IQSEC1: variants seen among roughly 807,000 people sequenced by gnomAD.
IQSEC1 encodes the protein IQ motif and SEC7 domain-containing protein 1.
IQSEC1 carries 31 observed loss-of-function variants against 91.0 expected under a neutral mutation model. That is an observed-to-expected ratio of 0.34 (90% confidence interval 0.26 to 0.46). The LOEUF (loss-of-function observed/expected upper bound fraction) is 0.46. IQSEC1 is among the 20% of genes least tolerant of loss of function. IQSEC1 has a pLI of 1.00. For synonymous variants in IQSEC1, 699 were observed against 662.6 expected, an observed-to-expected ratio of 1.05 and a Z score of -0.84; for missense variants, 1,388 against 1,575.6, an observed-to-expected ratio of 0.88 and a Z score of 2.02.
intron 1 of IQSEC1, among the ~76,000 whole-genome samples, chr3:13,277,137 A>AAAAAAAAAAAAAAAAAAAC (rs60347391): frequency 1.7e-5 from 2 of 118,328 alleles, no homozygotes; most frequent in African/African-American, 7.3e-5. Flanking sequence ...AAAAAAAAAA[A>AAAAAAAAAAAAAAAAAAAC]CAGAAAACAA....
At chr3:13,119,247 G>A (rs1287826685) in intron 2 of IQSEC1, among the ~76,000 whole-genome samples, 2 of 152,298 alleles carry the variant, frequency 1.3e-5, no homozygotes, top group South Asian at 2.1e-4. Context: ...ATATGCCCAT[G>A]TGAACACACT....
intron 1 of IQSEC1, among the ~76,000 whole-genome samples, chr3:13,248,476 G>A (rs561049755): frequency 6.6e-6 from 1 of 152,222 alleles, no homozygotes; most frequent in East Asian, 1.9e-4. Flanking sequence ...AGTCTCCCCT[G>A]AGAGAACGTG....
intron 1 of IQSEC1, among the ~76,000 whole-genome samples, chr3:13,240,550 A>T (rs1695004173): frequency 6.6e-6 from 1 of 152,122 alleles, no homozygotes; most frequent in South Asian, 2.1e-4. Context: ...GAGCCTGGCA[A>T]GGGGTGGGCG....
At chr3:13,185,032 G>A (rs867552813) in intron 1 of IQSEC1, among the ~76,000 whole-genome samples, 6 of 152,240 alleles carry the variant, frequency 3.9e-5, no homozygotes, top group Middle Eastern at 3.4e-3. Context: ...AGCAAGAGTC[G>A]GAGACCACAG....
At chr3:12,982,883 T>A (rs1029882981) in intron 1 of IQSEC1, among the ~76,000 whole-genome samples, 1 of 152,212 alleles carries the variant, frequency 6.6e-6, no homozygotes, top group Non-Finnish European at 1.5e-5. Context: ...CGAGGCTGTT[T>A]GAGAAATCAC....
intron 1 of IQSEC1, among the ~76,000 whole-genome samples, chr3:13,275,209 C>T (rs567226568): frequency 5.9e-5 from 9 of 152,298 alleles, no homozygotes; most frequent in African/African-American, 1.7e-4. Flanking sequence ...AGAACGGGCT[C>T]GGTTATTGCT....
chr3:13,105,992 G>A (rs368840477), intron 2 of IQSEC1, among the ~76,000 whole-genome samples: 2 of 152,152 alleles, frequency 1.3e-5, no homozygotes, highest in African/African-American at 2.4e-5. Flanking sequence ...GAGAAAATCC[G>A]GCAGCCCTGG....
At chr3:13,055,280 C>T (rs73813117) in intron 1 of IQSEC1, among the ~76,000 whole-genome samples, 267 of 152,352 alleles carry the variant, frequency 1.8e-3, no homozygotes, top group African/African-American at 6.1e-3. Flanking sequence ...CCCAGGGTAG[C>T]GAGGCGGAAG....
chr3:13,147,600 C>T (rs2124951865), intron 2 of IQSEC1, among the ~76,000 whole-genome samples: 1 of 152,300 alleles, frequency 6.6e-6, no homozygotes, highest in East Asian at 1.9e-4. Context: ...CACATTTTTG[C>T]AATTGTGAAT....
chr3:13,265,899 A>G (rs1695481062), intron 1 of IQSEC1, among the ~76,000 whole-genome samples: 1 of 148,158 alleles, frequency 6.7e-6, no homozygotes, highest in African/African-American at 2.5e-5. Context: ...TTAAAAAAAA[A>G]AAAAGATGCT....
chr3:13,063,393 A>C (rs1022458061), intron 1 of IQSEC1, among the ~76,000 whole-genome samples: 2 of 152,190 alleles, frequency 1.3e-5, no homozygotes, highest in East Asian at 1.9e-4. Flanking sequence ...CATTTGATGG[A>C]ATGTTATTTG....
intron 1 of IQSEC1, among the ~76,000 whole-genome samples, chr3:13,278,447 G>A: frequency 6.6e-6 from 1 of 152,214 alleles, no homozygotes; most frequent in Non-Finnish European, 1.5e-5. Context: ...TCTCCAGCTT[G>A]AGAGGCCAGG....
rs986903709 is a variant in IQSEC1, at chr3:13,073,178, G to C, written c.-164C>G. ...GTGGCGGGCTCCTCCAGGGAGGCTG[G>C]GGCGGGAGCGGGGGGCGGCGCCAGC... On this transcript the variant is annotated 5_prime_UTR_variant, in exon 1 of 14. Transcript: ENST00000613206. 5 of 739,678 alleles carry C rather than the reference G, an allele frequency of 6.8e-6. No homozygotes were observed. The African/African-American group carries it at 8.9e-5, about 13-fold the overall frequency. The allele number at this position is 739,678 out of a possible 1,614,324, so 45.8% of individuals were successfully genotyped here. A position where few individuals can be genotyped will look rare whatever the true frequency, so the allele number is the denominator to read the frequency against.
intron 2 of IQSEC1, among the ~76,000 whole-genome samples, chr3:13,119,685 T>C (rs1313945459): frequency 6.6e-6 from 1 of 152,242 alleles, no homozygotes; most frequent in African/African-American, 2.4e-5. Context: ...CCCAGTGTCG[T>C]CTAAGGCAGC....
intron 1 of IQSEC1, among the ~76,000 whole-genome samples, chr3:13,067,308 G>T (rs971326340): frequency 1.3e-5 from 2 of 152,190 alleles, no homozygotes; most frequent in African/African-American, 4.8e-5. Flanking sequence ...GGGGAAAGCA[G>T]CAGGCTCTAA....
At chr3:13,179,851 G>T (rs1007247117) in intron 1 of IQSEC1, among the ~76,000 whole-genome samples, 1 of 152,220 alleles carries the variant, frequency 6.6e-6, no homozygotes, top group South Asian at 2.1e-4. Context: ...CACTCAGAAC[G>T]GCTGGCTGGC....
rs60443543 is a variant in IQSEC1 at position 12,906,849 on chromosome 3, C to G, written c.2755+1500G>C. Among the ~76,000 whole-genome samples, 498 of 152,298 alleles carry G rather than the reference C, an allele frequency of 3.3e-3. 3 individuals carry two copies. Among genetic ancestry groups the G allele is most frequent in the African/African-American group, 0.011 (469 of 41,560 alleles). On this transcript the variant is annotated intron_variant, in intron 12 of 13. Coordinates refer to ENST00000613206, the MANE Select transcript of IQSEC1 (RefSeq NM_001134382.3). ...AAGGGAGAGGGCAGGGCCTGTCACA[C>G]TGCACAAACTCAAACGGAGGCTCTA...
chr3:13,068,090 C>A, intron 1 of IQSEC1, among the ~76,000 whole-genome samples: 1 of 152,240 alleles, frequency 6.6e-6, no homozygotes, highest in East Asian at 1.9e-4. Flanking sequence ...GTGCTTGGGG[C>A]ACTTGGGAAA....
chr3:12,963,798 T>C (rs1482007608), intron 1 of IQSEC1, among the ~76,000 whole-genome samples: 5 of 152,210 alleles, frequency 3.3e-5, no homozygotes, highest in African/African-American at 9.7e-5. Flanking sequence ...GGTACAAAGT[T>C]GGTGCTCAGT....
Sources: allele counts gnomAD v4.1 joint callset (sites outside exome capture counted in the v4.1 genomes callset), GRCh38; gene constraint gnomAD v4.1.1; transcripts MANE v1.5; gene names NCBI Gene and HGNC (gene_info 2026-07-23, HGNC 2026-07-21).